SUDS3: variants seen among roughly 807,000 people sequenced by gnomAD.
The protein encoded by SUDS3 is SIN3A corepressor complex component SDS3, also known as sin3 histone deacetylase corepressor complex component SDS3.
Under a neutral mutation model 53.5 loss-of-function variants are expected in SUDS3, and 23 were observed. The observed-to-expected ratio is 0.43, with a 90% CI of 0.31 to 0.61. The LOEUF (loss-of-function observed/expected upper bound fraction) is 0.61. Among genes scored for constraint, SUDS3 ranks in the 20% least tolerant of loss-of-function variants. The pLI, the probability that SUDS3 is intolerant of heterozygous loss-of-function variation, is 0.10. For missense variants in SUDS3, 291 were observed against 405.9 expected, an observed-to-expected ratio of 0.72 and a Z score of 2.43; for synonymous variants, 150 against 148.5, an observed-to-expected ratio of 1.01 and a Z score of -0.08.
At chr12:118,399,786 A>G (rs1162642817) in intron 6 of SUDS3, among the ~76,000 whole-genome samples, 1 of 151,848 alleles carries the variant, frequency 6.6e-6, no homozygotes, top group Non-Finnish European at 1.5e-5. Flanking sequence ...AAAAGAAGCA[A>G]CCTTGGGAGA....
chr12:118,400,833 C>T (rs7309484), intron 7 of SUDS3, 79 bp downstream of exon 7: 188,172 of 1,320,342 alleles, frequency 0.14, 14,759 homozygotes, highest in Non-Finnish European at 0.16. Flanking sequence ...TGCTAGGGTA[C>T]ACATGGCCGT....
chr12:118,390,063 T>C, intron 5 of SUDS3, 117 bp downstream of exon 5: 1 of 1,273,072 alleles, frequency 7.9e-7, no homozygotes, highest in Non-Finnish European at 1.1e-6. Flanking sequence ...CCTTCACCAC[T>C]GTTCTGTTTG....
chr12:118,402,062 G>T, intron 9 of SUDS3, 58 bp downstream of exon 9: 4 of 1,594,230 alleles, frequency 2.5e-6, no homozygotes, highest in Non-Finnish European at 2.6e-6. Flanking sequence ...TTGGAAAAGG[G>T]TGTGAATACC....
At chr12:118,384,687 G>A (rs191299986) in intron 3 of SUDS3, among the ~76,000 whole-genome samples, 6 of 152,274 alleles carry the variant, frequency 3.9e-5, no homozygotes, top group Non-Finnish European at 7.3e-5. Context: ...CAAAAAATTA[G>A]CTGGGCGTTG....
chr12:118,400,781 G>A (rs750185210), intron 7 of SUDS3, 27 bp downstream of exon 7: 18 of 1,605,060 alleles, frequency 1.1e-5, no homozygotes, highest in African/African-American at 4.0e-5. Context: ...AGCCTTAACC[G>A]CCTTTCTTTT....
In SUDS3 at chr12:118,391,005, G is replaced by A. The variant is rs1009868305; in HGVS notation, c.361-121G>A. 4 of 1,095,550 alleles carry A rather than the reference G, an allele frequency of 3.7e-6. No individual in the cohort carries two copies. In the African/African-American group the frequency reaches 6.2e-5, roughly 17 times the overall value. 67.9% of individuals were successfully genotyped at this position (1,095,550 alleles called of 1,614,324 possible). ...GCTTGTTCTCAGACACACTGTTACT[G>A]CAAGTGTGTGTGAGGGGGAAACTCT... On this transcript the variant is annotated intron_variant, in intron 5 of 11. Transcript: ENST00000543473.
At chr12:118,383,404 A>G (rs1330859896) in intron 2 of SUDS3, among the ~76,000 whole-genome samples, 2 of 152,246 alleles carry the variant, frequency 1.3e-5, no homozygotes, top group Non-Finnish European at 2.9e-5. Context: ...GAAAAAACTA[A>G]CATGCCAAAT....
chr12:118,410,473 T>C (rs1182557773), intron 10 of SUDS3, among the ~76,000 whole-genome samples: 1 of 152,174 alleles, frequency 6.6e-6, no homozygotes, highest in Non-Finnish European at 1.5e-5. Flanking sequence ...CCTCAGCCTT[T>C]TCCCTTCTGT....
intron 1 of SUDS3, 84 bp downstream of exon 1, chr12:118,376,917 G>T: frequency 1.5e-6 from 2 of 1,348,260 alleles, no homozygotes; most frequent in Non-Finnish European, 1.9e-6. Context: ...AGAGGGGCGG[G>T]GCGGCCTCCG....
At chr12:118,390,863 A>G (rs1440472865) in intron 5 of SUDS3, 1 of 459,650 alleles carries the variant, frequency 2.2e-6, no homozygotes, top group Non-Finnish European at 4.1e-6. Flanking sequence ...CCTTTGAGAA[A>G]TGTGTTTTAG....
Position 118,390,067 on chromosome 12 carries a change from C to G in SUDS3, c.360+121C>G, listed in dbSNP as rs527468438. ...TAGTTTGGAAGCCTTCACCACTGTT[C>G]TGTTTGACTTAAGGACATTTGGTCT... On this transcript the variant is annotated intron_variant, in intron 5 of 11. Transcript: ENST00000543473. 4.9e-6 allele frequency: 6 copies of G among 1,230,342 alleles called. No individual in the cohort carries two copies. The Admixed American group carries it at 1.1e-4, about 22-fold the overall frequency. The allele number at this position is 1,230,342 out of a possible 1,614,324, so 76.2% of individuals were successfully genotyped here. A position where few individuals can be genotyped will look rare whatever the true frequency, so the allele number is the denominator to read the frequency against.
chr12:118,395,763 C>T (rs948554800), intron 6 of SUDS3, among the ~76,000 whole-genome samples: 2 of 152,088 alleles, frequency 1.3e-5, no homozygotes, highest in Non-Finnish European at 2.9e-5. Flanking sequence ...ACGGTCTTGG[C>T]TCACTGTACC....
chr12:118,380,351 C>A, intron 2 of SUDS3, 120 bp downstream of exon 2: 2 of 826,030 alleles, frequency 2.4e-6, no homozygotes, highest in Non-Finnish European at 3.8e-6. Flanking sequence ...TGAGTGCCAG[C>A]ATGATGCTCA....
At chr12:118,410,342 G>C (rs950822861) in intron 10 of SUDS3, among the ~76,000 whole-genome samples, 2 of 152,184 alleles carry the variant, frequency 1.3e-5, no homozygotes, top group African/African-American at 2.4e-5. Flanking sequence ...ACCTTCTTCA[G>C]TGTTCTGGTG....
intron 6 of SUDS3, among the ~76,000 whole-genome samples, chr12:118,391,596 T>C (rs2046168482): frequency 6.6e-6 from 1 of 152,210 alleles, no homozygotes; most frequent in African/African-American, 2.4e-5. Flanking sequence ...TAATAGTAAT[T>C]GCAAGCTCTG....
intron 1 of SUDS3, among the ~76,000 whole-genome samples, chr12:118,379,544 A>G (rs2046034628): frequency 6.6e-6 from 1 of 152,224 alleles, no homozygotes; most frequent in African/African-American, 2.4e-5. Context: ...CGGGAGGTGC[A>G]GTAACCACTC....
chr12:118,386,296 T>G, intron 4 of SUDS3, 111 bp downstream of exon 4: 3 of 846,274 alleles, frequency 3.5e-6, no homozygotes, highest in East Asian at 2.7e-5. Context: ...CCAGATACTC[T>G]GTCAGGGAGA....
chr12:118,393,704 T>TC (rs2046188529), intron 6 of SUDS3, among the ~76,000 whole-genome samples: 1 of 151,778 alleles, frequency 6.6e-6, no homozygotes, highest in East Asian at 1.9e-4. Context: ...CAAGTCTTGC[T>TC]CTGTCGCCCA....
Position 118,391,951 on chromosome 12 carries a change from A to C in SUDS3, c.517+669A>C, listed in dbSNP as rs1460638318. 3.9e-5 allele frequency among the ~76,000 whole-genome samples: 6 copies of C among 152,258 alleles called. No individual in the cohort carries two copies. The East Asian group carries it at 1.2e-3, about 29-fold the overall frequency. ...ATGCCTTTCTAACCTTCTAGAATTTAGTAATCCACATATGGGAACTCAGCA... is the reference window on the plus strand; with the variant it reads ...ATGCCTTTCTAACCTTCTAGAATTTCGTAATCCACATATGGGAACTCAGCA... On this transcript the variant is annotated intron_variant, in intron 6 of 11. Transcript: ENST00000543473.
Sources: allele counts gnomAD v4.1 joint callset (sites outside exome capture counted in the v4.1 genomes callset), GRCh38; gene constraint gnomAD v4.1.1; transcripts MANE v1.5; gene names NCBI Gene and HGNC (gene_info 2026-07-23, HGNC 2026-07-21).